Variants in NFATC3 observed in about 807,000 individuals in gnomAD.
The protein encoded by NFATC3 is nuclear factor of activated T-cells, cytoplasmic 3.
NFATC3 carries 46 observed loss-of-function variants against 98.6 expected under a neutral mutation model. That is an observed-to-expected ratio of 0.47 (90% CI 0.37 to 0.60). The LOEUF is 0.60. Ranked by LOEUF, NFATC3 falls within the 20% of genes least tolerant of loss-of-function variation. The pLI is 0.00. For missense variants in NFATC3, 1,256 were observed against 1,295.5 expected, an observed-to-expected ratio of 0.97 and a Z score of 0.47; for synonymous variants, 512 against 472.2, an observed-to-expected ratio of 1.08 and a Z score of -1.09.
At chr16:68,158,790 AG>A (rs752906030) in intron 4 of NFATC3, among the ~76,000 whole-genome samples, 62 of 152,270 alleles carry the variant, frequency 4.1e-4, no homozygotes, top group Non-Finnish European at 7.5e-4. Context: ...AAAGGTGTGG[AG>A]GAAGGGTAAA....
intron 3 of NFATC3, among the ~76,000 whole-genome samples, chr16:68,147,178 T>C (rs1471231891): frequency 1.3e-5 from 2 of 152,360 alleles, no homozygotes; most frequent in South Asian, 2.1e-4. Flanking sequence ...GAAGCTCTTA[T>C]ACATGTCAGC....
rs772747558 is a variant in NFATC3, at chr16:68,191,749, G to A, written c.3080G>A (p.Gly1027Asp). 3.1e-6 allele frequency: 5 copies of A among 1,614,116 alleles called. No homozygotes were observed. Among genetic ancestry groups the A allele is most frequent in the Non-Finnish European group, 4.2e-6 (5 of 1,180,034 alleles). Residue 1027 changes from glycine to aspartate, a missense_variant, in exon 9 of 10, where the codon GGT becomes GAT. Gly to Asp is a moderately conservative substitution (Grantham distance 94, BLOSUM62 -1). Transcript: ENST00000346183. ...EDREPNFATIGLQDITLDDVN... is the reference protein window; with the variant it reads ...EDREPNFATIDLQDITLDDVN... ...CGAGAGCCTAACTTTGCAACCATTGGTCTGCAGGACATCACTTTAGATGAT... is the reference window on the plus strand; with the variant it reads ...CGAGAGCCTAACTTTGCAACCATTGATCTGCAGGACATCACTTTAGATGAT...
intron 1 of NFATC3, 153 bp downstream of exon 1, chr16:68,085,937 A>C: frequency 5.5e-6 from 3 of 549,002 alleles, no homozygotes; most frequent in Non-Finnish European, 8.8e-6. Context: ...AACGGATTTA[A>C]ATCGCTGAGG....
At chr16:68,168,140 T>C (rs1402625788) in intron 5 of NFATC3, among the ~76,000 whole-genome samples, 2 of 150,884 alleles carry the variant, frequency 1.3e-5, no homozygotes, top group East Asian at 3.9e-4. Flanking sequence ...GCCAAACACA[T>C]GTATTCTTTT....
At chr16:68,183,172 T>C in intron 7 of NFATC3, 68 bp from the exon 8 acceptor site, 2 of 1,494,306 alleles carry the variant, frequency 1.3e-6, no homozygotes, top group East Asian at 2.3e-5. Flanking sequence ...TCATGAGTTG[T>C]GATGTGTTTA....
intron 9 of NFATC3, chr16:68,200,073 CA>C (rs1203776201): frequency 1.3e-5 from 2 of 152,106 alleles, no homozygotes; most frequent in Non-Finnish European, 2.9e-5. Context: ...TAATTCAGAA[CA>C]TATTTAATCC....
chr16:68,188,355 G>C (rs949362495), intron 8 of NFATC3, among the ~76,000 whole-genome samples: 1 of 152,190 alleles, frequency 6.6e-6, no homozygotes, highest in Non-Finnish European at 1.5e-5. Context: ...CCCGCCAAGA[G>C]CGCAGGGATG....
chr16:68,143,130 T>C (rs2037842901), intron 3 of NFATC3, among the ~76,000 whole-genome samples: 1 of 150,724 alleles, frequency 6.6e-6, no homozygotes. Flanking sequence ...TCTCAGCTAC[T>C]TGGGAGGATT....
intron 5 of NFATC3, among the ~76,000 whole-genome samples, chr16:68,170,702 A>G (rs567876928): frequency 6.6e-6 from 1 of 152,176 alleles, no homozygotes; most frequent in South Asian, 2.1e-4. Context: ...CATGTTGGTC[A>G]CAGTGGTCTT....
chr16:68,220,670 G>T (rs2041827289), intron 9 of NFATC3, among the ~76,000 whole-genome samples: 1 of 150,532 alleles, frequency 6.6e-6, no homozygotes, highest in South Asian at 2.1e-4. Flanking sequence ...CACTTTGGGA[G>T]GTCGAGGCAG....
At chr16:68,098,507 G>C (rs1194349173) in intron 1 of NFATC3, among the ~76,000 whole-genome samples, 1 of 151,880 alleles carries the variant, frequency 6.6e-6, no homozygotes, top group Non-Finnish European at 1.5e-5. Context: ...TCACCATGTT[G>C]ACCAGGATGG....
At chr16:68,174,931 G>C (rs1454725124) in intron 6 of NFATC3, among the ~76,000 whole-genome samples, 1 of 152,194 alleles carries the variant, frequency 6.6e-6, no homozygotes. Context: ...GTGTTTACTT[G>C]AAAGGGTTAG....
At chr16:68,159,583 C>T (rs1029646928) in intron 4 of NFATC3, among the ~76,000 whole-genome samples, 10 of 151,540 alleles carry the variant, frequency 6.6e-5, no homozygotes, top group African/African-American at 1.9e-4. Flanking sequence ...CCACCACGCC[C>T]GGCTAATTTT....
Position 68,095,150 on chromosome 16 carries a change from T to C in NFATC3, c.103+9366T>C, listed in dbSNP as rs574091586. ...GCTGGGAGGGGGTCAACCAAAAGAA[T>C]TGTCTGTGCTTACTATCCACAGTAT... On this transcript the variant is annotated intron_variant, in intron 1 of 9. Transcript: ENST00000346183. 2.3e-4 allele frequency among the ~76,000 whole-genome samples: 35 copies of C among 152,052 alleles called. No homozygotes were observed. In the South Asian group the frequency reaches 7.3e-3, roughly 32 times the overall value.
chr16:68,226,563 T>A lies in NFATC3; in HGVS notation c.*92T>A, dbSNP rs1217708533. 7.2e-7 allele frequency: 1 copy of A among 1,391,046 alleles called. No homozygotes were observed. Among genetic ancestry groups the A allele is most frequent in the East Asian group, 2.8e-5 (1 of 36,012 alleles). 86.2% of individuals were successfully genotyped at this position (1,391,046 alleles called of 1,614,324 possible). ...TTTCCAACTCTGCAGCCTTCAGGTC[T>A]GGGGCCAGGAGTGGGACCCACCATT... is the stretch of plus-strand genomic sequence containing the variant. On this transcript the variant is annotated 3_prime_UTR_variant, in exon 10 of 10. Coordinates refer to ENST00000346183, the MANE Select transcript of NFATC3 (RefSeq NM_173165.3).
At chr16:68,214,378 A>G (rs1327950327) in intron 9 of NFATC3, 2 of 1,614,214 alleles carry the variant, frequency 1.2e-6, no homozygotes, top group East Asian at 4.5e-5. Context: ...CAGCAGAGAA[A>G]TGGCCTAACC....
At chr16:68,112,127 G>T (rs1262404920) in intron 1 of NFATC3, among the ~76,000 whole-genome samples, 1 of 151,938 alleles carries the variant, frequency 6.6e-6, no homozygotes, top group Non-Finnish European at 1.5e-5. Context: ...ATCTTACTGG[G>T]TTTCTCTGAA....
intron 6 of NFATC3, among the ~76,000 whole-genome samples, chr16:68,177,598 A>G: frequency 6.6e-6 from 1 of 150,886 alleles, no homozygotes; most frequent in East Asian, 1.9e-4. Context: ...TACTTTTTTT[A>G]TTATGTTTTT....
intron 1 of NFATC3, among the ~76,000 whole-genome samples, chr16:68,115,883 C>G (rs1022093915): frequency 6.6e-6 from 1 of 152,152 alleles, no homozygotes; most frequent in Admixed American, 6.5e-5. Context: ...CTCCACTGTG[C>G]TTTAAAAGGG....
Sources: gnomAD v4.1 joint callset for allele counts (sites outside exome capture counted in the v4.1 genomes callset) on GRCh38, gnomAD v4.1.1 for gene constraint, MANE v1.5 for transcripts, NCBI Gene and HGNC (gene_info 2026-07-23, HGNC 2026-07-21) for gene names.